IQCM: variants seen among roughly 807,000 people sequenced by gnomAD.
IQCM encodes the protein IQ domain-containing protein M.
IQCM carries 45 observed loss-of-function variants against 57.6 expected under a neutral mutation model. That is an observed-to-expected ratio of 0.78 (90% CI 0.62 to 1.00). The LOEUF is 1.00. Among genes scored for constraint, IQCM ranks in the 50% least tolerant of loss-of-function variants. IQCM has a pLI of 0.00. For synonymous variants in IQCM, 148 were observed against 158.9 expected (o/e 0.93, Z 0.51); for missense variants, 468 against 511.6 (o/e 0.91, Z 0.82).
intron 13 of IQCM, among the ~76,000 whole-genome samples, chr4:149,431,970 T>C (rs1734912184): frequency 1.3e-5 from 2 of 151,144 alleles, no homozygotes. Context: ...TGTGTACGTA[T>C]ATATGTTACA....
At chr4:149,418,683 G>A (rs1733921042) in intron 13 of IQCM, among the ~76,000 whole-genome samples, 1 of 151,982 alleles carries the variant, frequency 6.6e-6, no homozygotes, top group South Asian at 2.1e-4. Context: ...TATTCAAATA[G>A]GAAGAAAAGA....
chr4:149,527,819 T>C (rs1236755800), intron 12 of IQCM, among the ~76,000 whole-genome samples: 1 of 152,076 alleles, frequency 6.6e-6, no homozygotes, highest in Non-Finnish European at 1.5e-5. Flanking sequence ...TGCAGCAATA[T>C]GAAGAAAAAA....
At chr4:149,566,008 A>G (rs1750597568) in intron 9 of IQCM, among the ~76,000 whole-genome samples, 1 of 152,220 alleles carries the variant, frequency 6.6e-6, no homozygotes, top group Non-Finnish European at 1.5e-5. Flanking sequence ...GAAGAGCTGA[A>G]GAATAGGAAA....
intron 7 of IQCM, among the ~76,000 whole-genome samples, chr4:149,652,122 G>A (rs1425772525): frequency 6.6e-6 from 1 of 152,090 alleles, no homozygotes; most frequent in Non-Finnish European, 1.5e-5. Context: ...TACACAGCCA[G>A]GAAAAAGAAT....
At chr4:149,487,579 C>T (rs1340573959) in intron 12 of IQCM, among the ~76,000 whole-genome samples, 2 of 152,048 alleles carry the variant, frequency 1.3e-5, no homozygotes, top group Admixed American at 6.6e-5. Context: ...CTCATGGTGG[C>T]GAGTCTTGCC....
chr4:149,501,431 T>C (rs1184239849), intron 12 of IQCM, among the ~76,000 whole-genome samples: 1 of 151,994 alleles, frequency 6.6e-6, no homozygotes, highest in Non-Finnish European at 1.5e-5. Flanking sequence ...AGTAAGAAAC[T>C]CCTGTTAGAA....
intron 13 of IQCM, among the ~76,000 whole-genome samples, chr4:149,363,526 G>C (rs1408427739): frequency 6.6e-6 from 1 of 151,958 alleles, no homozygotes; most frequent in Non-Finnish European, 1.5e-5. Flanking sequence ...ATATGTATGT[G>C]GTTATGTATT....
rs1044726555 is a variant in IQCM at position 149,377,678 on chromosome 4, G to A, written c.1391-25612C>T. Among the ~76,000 whole-genome samples, 6 of 152,208 alleles carry A rather than the reference G, an allele frequency of 3.9e-5. No homozygotes were observed. The South Asian group carries it at 1.0e-3, about 26-fold the overall frequency. On this transcript the variant is annotated intron_variant, in intron 13 of 13. Coordinates refer to ENST00000636793, the MANE Select transcript of IQCM (RefSeq NM_001363507.2). ...GGATCCTATGATCTACTACATATCC[G>A]GAAAATGTGGACCCTGTCAGTGATG...
intron 12 of IQCM, among the ~76,000 whole-genome samples, chr4:149,441,712 T>C (rs551361521): frequency 4.6e-4 from 70 of 152,292 alleles, no homozygotes; most frequent in South Asian, 1.2e-3. Flanking sequence ...ATGTGTATTA[T>C]GGGAATTCAC....
intron 5 of IQCM, among the ~76,000 whole-genome samples, chr4:149,716,433 G>A (rs1395163860): frequency 6.6e-6 from 1 of 152,210 alleles, no homozygotes; most frequent in Admixed American, 6.5e-5. Context: ...AGCCTGTGGG[G>A]GCAGGTGGAG....
At chr4:149,729,309 T>G (rs1766242952) in intron 5 of IQCM, among the ~76,000 whole-genome samples, 1 of 152,170 alleles carries the variant, frequency 6.6e-6, no homozygotes, top group Non-Finnish European at 1.5e-5. Flanking sequence ...CTGATAAATC[T>G]AGGTTATCTT....
intron 7 of IQCM, among the ~76,000 whole-genome samples, chr4:149,672,813 GAC>G (rs1761417929): frequency 6.6e-6 from 1 of 152,024 alleles, no homozygotes. Context: ...GCAATCCCAA[GAC>G]ACATAATTTT....
chr4:149,713,854 T>G (rs12501932), intron 5 of IQCM, among the ~76,000 whole-genome samples: 148,832 of 152,070 alleles, frequency 0.98, 72,849 homozygotes, highest in Middle Eastern at 1. Context: ...TTCCTTCACT[T>G]GTGATTTTCC....
At chr4:149,680,110 T>G (rs949749373) in intron 7 of IQCM, among the ~76,000 whole-genome samples, 1 of 151,374 alleles carries the variant, frequency 6.6e-6, no homozygotes, top group African/African-American at 2.4e-5. Flanking sequence ...AAAAACTTCC[T>G]AAATAACAAA....
intron 7 of IQCM, among the ~76,000 whole-genome samples, chr4:149,656,367 C>T (rs1434149339): frequency 6.6e-6 from 1 of 151,766 alleles, no homozygotes; most frequent in Non-Finnish European, 1.5e-5. Flanking sequence ...TAAAATCACA[C>T]CAATAAATAA....
intron 5 of IQCM, among the ~76,000 whole-genome samples, chr4:149,728,304 G>T (rs574389049): frequency 2.0e-5 from 3 of 152,200 alleles, no homozygotes; most frequent in Admixed American, 2.0e-4. Flanking sequence ...GGGAAGTCTT[G>T]CAGACACACA....
intron 2 of IQCM, among the ~76,000 whole-genome samples, chr4:149,805,528 C>T (rs573958556): frequency 6.6e-6 from 1 of 152,118 alleles, no homozygotes; most frequent in East Asian, 1.9e-4. Flanking sequence ...TAACATGTAG[C>T]TGCAGAAGAT....
chr4:149,571,410 T>C lies in IQCM; in HGVS notation c.750-7520A>G, dbSNP rs374733247. Among the ~76,000 whole-genome samples, 7 of 152,222 alleles carry C rather than the reference T, an allele frequency of 4.6e-5. No individual in the cohort carries two copies. In the East Asian group the frequency reaches 9.7e-4, roughly 21 times the overall value. On this transcript the variant is annotated intron_variant, in intron 9 of 13. Coordinates refer to ENST00000636793, the MANE Select transcript of IQCM (RefSeq NM_001363507.2). ...CAGATACAGAAAGGCAAATACCACA[T>C]GACCTCACTCATGTGGAATCTAAAA... is the stretch of plus-strand genomic sequence containing the variant.
chr4:149,452,358 G>A (rs201758564), intron 12 of IQCM, among the ~76,000 whole-genome samples: 1 of 148,200 alleles, frequency 6.7e-6, no homozygotes, highest in Non-Finnish European at 1.5e-5. Flanking sequence ...AAATATATAT[G>A]AAAATATGAA....
Sources: gnomAD v4.1 joint callset for allele counts (sites outside exome capture counted in the v4.1 genomes callset) on GRCh38, gnomAD v4.1.1 for gene constraint, MANE v1.5 for transcripts, NCBI Gene and HGNC (gene_info 2026-07-23, HGNC 2026-07-21) for gene names.